PPHLN1: variants seen among roughly 807,000 people sequenced by gnomAD.
PPHLN1 encodes the protein periphilin 1.
A neutral mutation model predicts 51.3 loss-of-function variants in PPHLN1; 29 were observed. The ratio of observed to expected loss-of-function variants is 0.57; its 90% CI spans 0.42 to 0.77. The LOEUF is 0.77. Ranked by LOEUF, PPHLN1 falls within the 30% of genes least tolerant of loss-of-function variation. The pLI, the probability that PPHLN1 is intolerant of heterozygous loss-of-function variation, is 0.00. For synonymous variants in PPHLN1, 147 were observed against 147.8 expected, an observed-to-expected ratio of 0.99 and a Z score of 0.04; for missense variants, 436 against 438.4, an observed-to-expected ratio of 0.99 and a Z score of 0.05.
chr12:42,409,534 A>G (rs1565965913), intron 9 of PPHLN1, among the ~76,000 whole-genome samples: 1 of 152,084 alleles, frequency 6.6e-6, no homozygotes, highest in Admixed American at 6.5e-5. Flanking sequence ...TCTTTCATTT[A>G]TTATTTTAAT....
At chr12:42,425,334 G>C (rs978999616) in intron 9 of PPHLN1, among the ~76,000 whole-genome samples, 1 of 144,928 alleles carries the variant, frequency 6.9e-6, no homozygotes, top group Non-Finnish European at 1.5e-5. Context: ...CAGGTGATCT[G>C]CCTGCCTCGG....
intron 9 of PPHLN1, among the ~76,000 whole-genome samples, chr12:42,407,879 C>T (rs2079455125): frequency 6.6e-6 from 1 of 152,116 alleles, no homozygotes; most frequent in African/African-American, 2.4e-5. Flanking sequence ...CACCCATACC[C>T]ATTCATTTTT....
chr12:42,356,846 G>T lies in PPHLN1; in HGVS notation c.299+1624G>T, dbSNP rs533968049. ...ACTCAACATGGTAACAATGCCTACA[G>T]TAAAGCGAAAAATAAATAAGTTGTA... On this transcript the variant is annotated intron_variant, in intron 4 of 9. Transcript: ENST00000358314. 7.4e-4 allele frequency among the ~76,000 whole-genome samples: 112 copies of T among 152,204 alleles called. 1 individual carries two copies. The highest frequency in any genetic ancestry group is 2.6e-3 in the African/African-American group (108 of 41,508).
intron 8 of PPHLN1, 63 bp downstream of exon 8, chr12:42,393,752 G>A: frequency 2.0e-6 from 3 of 1,471,040 alleles, no homozygotes; most frequent in South Asian, 1.4e-5. Flanking sequence ...TTAAATTATG[G>A]GCGAAAAATA....
intron 3 of PPHLN1, among the ~76,000 whole-genome samples, chr12:42,353,453 T>C (rs1304661777): frequency 6.6e-6 from 1 of 152,242 alleles, no homozygotes; most frequent in Admixed American, 6.5e-5. Flanking sequence ...GGGAGTCTGG[T>C]TTCTCTTACT....
At position 42,351,091 on chromosome 12, in the gene PPHLN1, GT is replaced by G. The variant is rs113281394; in HGVS notation, c.73-785del. Among the ~76,000 whole-genome samples, 889 of 151,522 alleles carry G rather than the reference GT, an allele frequency of 5.9e-3. 11 individuals are homozygous for G. Among genetic ancestry groups the G allele is most frequent in the African/African-American group, 0.018 (740 of 41,310 alleles). ...ATCTTATGTTATATCAGGCTTTACA[GT>G]TTTTTTTTAACATATATCTCATTTG... On this transcript the variant is annotated intron_variant, in intron 2 of 9. Transcript: ENST00000358314.
intron 3 of PPHLN1, among the ~76,000 whole-genome samples, chr12:42,353,933 A>C (rs2073721349): frequency 6.6e-6 from 1 of 152,098 alleles, no homozygotes; most frequent in Non-Finnish European, 1.5e-5. Context: ...TTTTCTTTAA[A>C]TTCTCTTCAA....
rs1301933018 is a variant in PPHLN1 at position 42,355,199 on chromosome 12, T to C, written c.276T>C (p.Ser92=). The C allele has an allele frequency of 1.9e-6, 3 of 1,613,778 alleles. No homozygotes were observed. Among genetic ancestry groups the C allele is most frequent in the Non-Finnish European group, 2.5e-6 (3 of 1,179,780 alleles). The change falls in exon 4 of 10, where the codon TCT becomes TCC. Residue 92 remains serine (S), a synonymous_variant. Transcript: ENST00000358314. ...ATAGATGGACAAGAGACGATCATTC[T>C]GCAAGCAGGCAACCTGAATACAGGT... is the stretch of plus-strand genomic sequence containing the variant. ...SGYRWTRDDH[S]ASRQPEYRDM...
chr12:42,353,510 A>G (rs2073664945), intron 3 of PPHLN1, among the ~76,000 whole-genome samples: 1 of 152,208 alleles, frequency 6.6e-6, no homozygotes, highest in South Asian at 2.1e-4. Flanking sequence ...TAATGAGACT[A>G]TTCAGTGTTT....
chr12:42,371,111 GTTTTTTTTTT>G (rs59324305), intron 4 of PPHLN1, among the ~76,000 whole-genome samples: 1 of 64,694 alleles, frequency 1.5e-5, no homozygotes, highest in Non-Finnish European at 2.9e-5. Flanking sequence ...CCAGCCTGGT[GTTTTTTTTTT>G]TTTTTTTTTT....
At chr12:42,441,144 A>G (rs2082915135) in intron 9 of PPHLN1, among the ~76,000 whole-genome samples, 171 bp from the exon 10 acceptor site, 1 of 152,174 alleles carries the variant, frequency 6.6e-6, no homozygotes, top group African/African-American at 2.4e-5. Context: ...TCATGGATAG[A>G]GGTTTAAATG....
chr12:42,447,176 C>T (rs1627623), downstream of PPHLN1: 147,160 of 152,578 alleles, frequency 0.96, 71,212 homozygotes, highest in Middle Eastern at 1. Context: ...TCCAAAAAAA[C>T]TCTAATCAAA....
At chr12:42,406,061 A>G (rs1017329143) in intron 9 of PPHLN1, among the ~76,000 whole-genome samples, 8 of 149,598 alleles carry the variant, frequency 5.3e-5, no homozygotes, top group Non-Finnish European at 1.2e-4. Flanking sequence ...TACTAAATTG[A>G]TTCTTAACAT....
At chr12:42,343,734 ACTTT>A (rs1388720225) in intron 2 of PPHLN1, 8 of 292,552 alleles carry the variant, frequency 2.7e-5, no homozygotes, top group Non-Finnish European at 5.3e-5. Context: ...CAAGGACTTA[ACTTT>A]CTTTTTGTTG....
chr12:42,388,591 G>A (rs537134636), intron 7 of PPHLN1, among the ~76,000 whole-genome samples: 4 of 152,118 alleles, frequency 2.6e-5, no homozygotes, highest in South Asian at 4.2e-4. Flanking sequence ...GGTGAGCGTC[G>A]GTCCCCTGGG....
At chr12:42,446,371 T>C, downstream of PPHLN1, 1 of 1,492,652 alleles carries the variant, frequency 6.7e-7, no homozygotes, top group Non-Finnish European at 8.9e-7. Context: ...TAAATCTGCC[T>C]TTTTTCAGCC....
At chr12:42,386,768 T>C (rs2077229310) in intron 6 of PPHLN1, among the ~76,000 whole-genome samples, 1 of 152,248 alleles carries the variant, frequency 6.6e-6, no homozygotes, top group South Asian at 2.1e-4. Flanking sequence ...AGGGAGTTGT[T>C]GAACCTGCTA....
chr12:42,441,458 T>A lies in PPHLN1; in HGVS notation c.1053T>A (p.His351Gln), dbSNP rs747572248. 1 of 1,613,684 alleles carries A rather than the reference T, an allele frequency of 6.2e-7. No individual in the cohort carries two copies. Among genetic ancestry groups the A allele is most frequent in the South Asian group, 1.1e-5 (1 of 91,058 alleles). ...IGERCVEELK[H>Q]FIAEYDTSTQ... ...AGCGGTGTGTTGAAGAACTCAAGCA[T>A]TTCATTGCAGAGTATGATACTTCCA... Residue 351 changes from histidine (H) to glutamine (Q), a missense_variant, in exon 10 of 10, where the codon CAT becomes CAA. Physicochemically the swap from His to Gln is conservative, Grantham distance 24 (BLOSUM62 0). Coordinates refer to ENST00000358314, the MANE Select transcript of PPHLN1 (RefSeq NM_201439.2).
At position 42,412,252 on chromosome 12, in the gene PPHLN1, C is replaced by T. The variant is rs573837174; in HGVS notation, c.909+13258C>T. ...TTTTTTATCCCTCACCCACTCCACC[C>T]TCCTGCTTGTGAGTCTCCATAGTCC... On this transcript the variant is annotated intron_variant, in intron 9 of 9. Transcript: ENST00000358314. 2.0e-5 allele frequency among the ~76,000 whole-genome samples: 3 copies of T among 150,962 alleles called. No homozygotes were observed. In the South Asian group the frequency reaches 6.3e-4, roughly 32 times the overall value.
Sources: allele counts gnomAD v4.1 joint callset (sites outside exome capture counted in the v4.1 genomes callset), GRCh38; gene constraint gnomAD v4.1.1; transcripts MANE v1.5; gene names NCBI Gene and HGNC (gene_info 2026-07-23, HGNC 2026-07-21).